RORB: variants seen among roughly 807,000 people sequenced by gnomAD.
The protein encoded by RORB is RAR related orphan receptor B.
RORB carries 6 observed loss-of-function variants against 59.1 expected under a neutral mutation model. The observed-to-expected ratio is 0.10, with a 90% confidence interval of 0.06 to 0.20. The LOEUF is 0.20. Among genes scored for constraint, RORB ranks in the 10% least tolerant of loss-of-function variants. RORB has a pLI of 1.00. For synonymous variants in RORB, 215 were observed against 204.5 expected, an observed-to-expected ratio of 1.05 and a Z score of -0.44; for missense variants, 320 against 560.5, an observed-to-expected ratio of 0.57 and a Z score of 4.33.
intron 1 of RORB, among the ~76,000 whole-genome samples, chr9:74,591,200 T>C (rs899447677): frequency 6.6e-6 from 1 of 152,232 alleles, no homozygotes; most frequent in African/African-American, 2.4e-5. Context: ...AAATTTCTAG[T>C]TGAGTTTTTG....
intron 4 of RORB, among the ~76,000 whole-genome samples, chr9:74,643,961 T>C (rs1823853875): frequency 6.6e-6 from 1 of 152,238 alleles, no homozygotes; most frequent in Admixed American, 6.5e-5. Flanking sequence ...AAAGCTTAAA[T>C]GAGTTAATAC....
At chr9:74,550,459 C>A (rs1040916211) in intron 1 of RORB, among the ~76,000 whole-genome samples, 1 of 152,192 alleles carries the variant, frequency 6.6e-6, no homozygotes, top group African/African-American at 2.4e-5. Context: ...GCTTTGAAAG[C>A]TCTACAAGTG....
intron 1 of RORB, among the ~76,000 whole-genome samples, chr9:74,525,317 C>A (rs1046373125): frequency 6.6e-6 from 1 of 151,808 alleles, no homozygotes; most frequent in Non-Finnish European, 1.5e-5. Flanking sequence ...GTTTGCATGC[C>A]ATATAAAATG....
chr9:74,657,013 CT>C (rs1447676255), intron 4 of RORB, among the ~76,000 whole-genome samples: 19 of 152,218 alleles, frequency 1.2e-4, no homozygotes, highest in Non-Finnish European at 1.5e-5. Flanking sequence ...CAAAACATTG[CT>C]TACTAGCTCC....
At position 74,688,227 on chromosome 9, in the gene RORB, CA is replaced by C. The variant is rs1210032363; in HGVS notation, c.*2613del. The C allele has an allele frequency of 6.6e-6, 1 of 152,152 alleles. No individual in the cohort carries two copies. The highest frequency in any genetic ancestry group is 1.5e-5 in the Non-Finnish European group (1 of 68,052). The allele number at this position is 152,152 out of a possible 1,614,324, so 9.4% of individuals were successfully genotyped here. On this transcript the variant is annotated 3_prime_UTR_variant, in exon 10 of 10. Transcript: ENST00000376896. Reference sequence around the variant, plus strand: ...AACAGAGCTAGCATCTGAACCAGAGCAAAACAATGGCAACCAGGACATACTC... The same window carrying C: ...AACAGAGCTAGCATCTGAACCAGAGCAAACAATGGCAACCAGGACATACTC...
intron 1 of RORB, among the ~76,000 whole-genome samples, chr9:74,606,749 G>A (rs1823155516): frequency 6.6e-6 from 1 of 152,190 alleles, no homozygotes; most frequent in African/African-American, 2.4e-5. Context: ...GACTGTACCT[G>A]TATTCTTTCT....
intron 5 of RORB, among the ~76,000 whole-genome samples, 195 bp from the exon 6 acceptor site, chr9:74,662,279 T>C (rs956902937): frequency 4.6e-5 from 7 of 152,144 alleles, no homozygotes; most frequent in Non-Finnish European, 2.9e-5. Context: ...TTTGGCCTAT[T>C]GAGGTCCAAA....
At chr9:74,540,475 A>G (rs1374273371) in intron 1 of RORB, among the ~76,000 whole-genome samples, 1 of 152,232 alleles carries the variant, frequency 6.6e-6, no homozygotes, top group African/African-American at 2.4e-5. Context: ...AATTCCTGAC[A>G]AAAGAAATGT....
chr9:74,625,818 T>C (rs1045435316), intron 1 of RORB, among the ~76,000 whole-genome samples: 6 of 152,174 alleles, frequency 3.9e-5, no homozygotes, highest in African/African-American at 9.7e-5. Context: ...CCAAGTTGAA[T>C]TGTAAGAGTT....
chr9:74,498,389 C>G, intron 1 of RORB: 1 of 177,580 alleles, frequency 5.6e-6, no homozygotes, highest in African/African-American at 2.4e-5. Context: ...CGGGTTTGGG[C>G]GCGCGGGGCG....
At chr9:74,653,310 TC>T (rs1268251774) in intron 4 of RORB, among the ~76,000 whole-genome samples, 9 of 152,172 alleles carry the variant, frequency 5.9e-5, no homozygotes, top group African/African-American at 1.9e-4. Context: ...ACAGTGAATC[TC>T]CTAAGAATTC....
In RORB at chr9:74,639,051, T is replaced by G. The variant is rs149516614; in HGVS notation, c.236-3363T>G. ...CAGAGGTCTTGGCAGCATACTCTTTTGACATTGTTAGCTTGTGATTATGAT... is the reference window on the plus strand; with the variant it reads ...CAGAGGTCTTGGCAGCATACTCTTTGGACATTGTTAGCTTGTGATTATGAT... On this transcript the variant is annotated intron_variant, in intron 3 of 9. Transcript: ENST00000376896. Among the ~76,000 whole-genome samples, 543 of 152,354 alleles carry G rather than the reference T, an allele frequency of 3.6e-3. 9 individuals are homozygous for G. The highest frequency in any genetic ancestry group is 0.012 in the African/African-American group (509 of 41,574).
rs569587491 is a variant in RORB at position 74,581,993 on chromosome 9, G to T, written c.8-48289G>T. Among the ~76,000 whole-genome samples the T allele has an allele frequency of 2.0e-5, 3 of 152,246 alleles. 1 individual carries two copies. The South Asian group carries it at 6.2e-4, about 32-fold the overall frequency. Reference sequence around the variant, plus strand: ...GAAGTGAAATGAAGAATTTTCATCTGTATCAATCAGTTCAAAGAAAAATCA... The same window carrying T: ...GAAGTGAAATGAAGAATTTTCATCTTTATCAATCAGTTCAAAGAAAAATCA... On this transcript the variant is annotated intron_variant, in intron 1 of 9. Coordinates refer to ENST00000376896, the MANE Select transcript of RORB (RefSeq NM_006914.4).
intron 1 of RORB, among the ~76,000 whole-genome samples, chr9:74,624,698 G>A (rs1823482014): frequency 6.6e-6 from 1 of 152,136 alleles, no homozygotes; most frequent in Admixed American, 6.5e-5. Context: ...AGTGAGAGAG[G>A]GAAAGAGTAC....
chr9:74,690,564 G>A lies in RORB; in HGVS notation c.*4946G>A, dbSNP rs1410227. On this transcript the variant is annotated 3_prime_UTR_variant, in exon 10 of 10. Coordinates refer to ENST00000376896, the MANE Select transcript of RORB (RefSeq NM_006914.4). Reference sequence around the variant, plus strand: ...CTGAGCAGAAGAGGGCCCATAGATCGTCAGCTTGCAGCCTCTGGTTTAAAG... The same window carrying A: ...CTGAGCAGAAGAGGGCCCATAGATCATCAGCTTGCAGCCTCTGGTTTAAAG... 0.75 allele frequency: 114,379 copies of A among 152,130 alleles called. 45,284 individuals are homozygous for A. The highest frequency in any genetic ancestry group is 0.88 in the South Asian group (4,259 of 4,828). The allele number at this position is 152,130 out of a possible 1,614,324, so 9.4% of individuals were successfully genotyped here.
At chr9:74,552,184 C>T (rs976577248) in intron 1 of RORB, among the ~76,000 whole-genome samples, 2 of 152,136 alleles carry the variant, frequency 1.3e-5, no homozygotes, top group African/African-American at 4.8e-5. Flanking sequence ...CTTATCAGAG[C>T]TTTCACTGTA....
intron 1 of RORB, among the ~76,000 whole-genome samples, chr9:74,509,130 G>A (rs1825903087): frequency 6.6e-6 from 1 of 151,852 alleles, no homozygotes; most frequent in South Asian, 2.1e-4. Flanking sequence ...TTAATCACAG[G>A]ATCCCCTTGG....
chr9:74,685,361 AGCCTTTT>A, intron 9 of RORB, 95 bp from the exon 10 acceptor site: 1 of 920,674 alleles, frequency 1.1e-6, no homozygotes, highest in Non-Finnish European at 1.5e-6. Flanking sequence ...CTTTTTCCAA[AGCCTTTT>A]ACCTTCATCT....
intron 4 of RORB, among the ~76,000 whole-genome samples, chr9:74,653,836 TG>T (rs1307791805): frequency 2.0e-5 from 3 of 152,112 alleles, no homozygotes; most frequent in Non-Finnish European, 4.4e-5. Flanking sequence ...TAAGCCGCTT[TG>T]GTGGAAAAAA....
Sources: allele counts gnomAD v4.1 joint callset (sites outside exome capture counted in the v4.1 genomes callset), GRCh38; gene constraint gnomAD v4.1.1; transcripts MANE v1.5; gene names NCBI Gene and HGNC (gene_info 2026-07-23, HGNC 2026-07-21).